Variants in TIMM17A observed in about 807,000 individuals in gnomAD.
TIMM17A encodes translocase of inner mitochondrial membrane 17A.
In TIMM17A, 15 loss-of-function variants were observed where a neutral mutation model predicts 26.5. The observed-to-expected ratio is 0.57, with a 90% CI of 0.38 to 0.87. The LOEUF (loss-of-function observed/expected upper bound fraction) is 0.87. TIMM17A is among the 40% of genes least tolerant of loss of function. The pLI, the probability that TIMM17A is intolerant of heterozygous loss-of-function variation, is 0.00. For missense variants in TIMM17A, 201 were observed against 210.0 expected (o/e 0.96, Z 0.27); for synonymous variants, 80 against 70.8 (o/e 1.13, Z -0.66).
At position 201,957,392 on chromosome 1, in the gene TIMM17A, A is replaced by G. The variant is rs1237382283; in HGVS notation, c.126+12A>G. On this transcript the variant is annotated intron_variant, in intron 2 of 5. Transcript: ENST00000367287. ...GCAATTCTCCAGTGGTAAGTGGGTG[A>G]ATGGTCTTATTTTATCATCACTTGC... is the stretch of plus-strand genomic sequence containing the variant. 1.2e-6 allele frequency: 2 copies of G among 1,606,824 alleles called. No homozygotes were observed. The highest frequency in any genetic ancestry group is 3.3e-5 in the Admixed American group (2 of 59,932).
At chr1:201,963,880 C>T (rs2790899) in intron 4 of TIMM17A, 136 bp downstream of exon 4, 427,563 of 968,556 alleles carry the variant, frequency 0.44, 98,294 homozygotes, top group South Asian at 0.5. Flanking sequence ...AATTCCATCA[C>T]TTGGGAGGCT....
chr1:201,957,797 G>A (rs1242912269), intron 3 of TIMM17A: 1 of 378,924 alleles, frequency 2.6e-6, no homozygotes, highest in Non-Finnish European at 4.4e-6. Flanking sequence ...CAGACACTCG[G>A]TGATTTTTTT....
In TIMM17A at chr1:201,963,463, C is replaced by T. The variant is rs1682570960; in HGVS notation, c.191-153C>T. On this transcript the variant is annotated intron_variant, in intron 3 of 5. Coordinates refer to ENST00000367287, the MANE Select transcript of TIMM17A (RefSeq NM_006335.3). The stretch of plus-strand genomic sequence containing the variant: ...TTTATTCGAAAGATAAGTATTCTAA[C>T]TCTTGTTCGGTGTTTATTCAAACTT... The T allele has an allele frequency of 9.7e-5, 70 of 721,206 alleles. 1 individual carries two copies. The South Asian group carries it at 1.4e-3, about 15-fold the overall frequency. 44.7% of individuals were successfully genotyped at this position (721,206 alleles called of 1,614,324 possible).
chr1:201,966,224 C>A (rs1363767377), intron 5 of TIMM17A, among the ~76,000 whole-genome samples: 1 of 152,092 alleles, frequency 6.6e-6, no homozygotes, highest in Non-Finnish European at 1.5e-5. Context: ...GCTGATTAGC[C>A]AGGCATAATG....
At chr1:201,966,387 A>G (rs183615264) in intron 5 of TIMM17A, among the ~76,000 whole-genome samples, 1 of 152,244 alleles carries the variant, frequency 6.6e-6, no homozygotes, top group East Asian at 1.9e-4. Flanking sequence ...GAAAACTTCT[A>G]TCAAGATGGT....
intron 3 of TIMM17A, among the ~76,000 whole-genome samples, chr1:201,961,070 T>TC (rs1682518946): frequency 1.3e-5 from 2 of 150,084 alleles, no homozygotes; most frequent in Admixed American, 6.6e-5. Flanking sequence ...TATTTTCTTT[T>TC]TTTTTTTTTT....
At chr1:201,963,953 C>CA (rs200184433) in intron 4 of TIMM17A, among the ~76,000 whole-genome samples, 9,934 of 146,074 alleles carry the variant, frequency 0.068, 435 homozygotes, top group Admixed American at 0.13. Flanking sequence ...CTGGTCTCTA[C>CA]AAAAAAAAAA....
At chr1:201,964,593 G>A (rs1330829597) in intron 4 of TIMM17A, among the ~76,000 whole-genome samples, 2 of 136,986 alleles carry the variant, frequency 1.5e-5, no homozygotes, top group Non-Finnish European at 3.1e-5. Context: ...GTATGGCTGT[G>A]TTTCAGTAAA....
intron 5 of TIMM17A, 123 bp downstream of exon 5, chr1:201,965,666 C>A: frequency 2.9e-6 from 2 of 701,036 alleles, no homozygotes; most frequent in Admixed American, 2.8e-5. Context: ...TTCATGAGGA[C>A]TGTGATAATA....
At chr1:201,969,367 C>T (rs1311680375) in intron 5 of TIMM17A, 102 bp from the exon 6 acceptor site, 4 of 920,168 alleles carry the variant, frequency 4.3e-6, no homozygotes, top group South Asian at 1.6e-5. Flanking sequence ...TAATTTAGCA[C>T]ATTTTTTTGT....
Position 201,957,946 on chromosome 1 carries a change from T to C in TIMM17A, c.190+372T>C, listed in dbSNP as rs1340674224. ...TGAGGTCAGGAGTTTGAGACCAGCC[T>C]GACCAACATGGAGAAACCCCATCTC... is the stretch of plus-strand genomic sequence containing the variant. On this transcript the variant is annotated intron_variant, in intron 3 of 5. Transcript: ENST00000367287. The C allele has an allele frequency of 1.5e-4, 25 of 172,392 alleles. 1 individual carries two copies. Among genetic ancestry groups the C allele is most frequent in the Non-Finnish European group, 3.7e-5 (3 of 81,088 alleles). The allele number at this position is 172,392 out of a possible 1,614,324, so 10.7% of individuals were successfully genotyped here. A position where few individuals can be genotyped will look rare whatever the true frequency, so the allele number is the denominator to read the frequency against.
intron 5 of TIMM17A, 21 bp downstream of exon 5, chr1:201,965,564 CTA>C (rs773693709): frequency 5.3e-5 from 76 of 1,435,904 alleles, no homozygotes; most frequent in Non-Finnish European, 7.3e-5. Flanking sequence ...TTGCTTAAAA[CTA>C]TAGCTCAAAC....
Position 201,957,360 on chromosome 1 carries a change from G to A in TIMM17A, c.106G>A (p.Gly36Ser). The A allele has an allele frequency of 6.2e-7, 1 of 1,613,830 alleles. No individual in the cohort carries two copies. Among genetic ancestry groups the A allele is most frequent in the South Asian group, 1.1e-5 (1 of 91,054 alleles). Residue 36 changes from glycine (G) to serine (S), a missense_variant, in exon 2 of 6, where the codon GGT becomes AGT. Coordinates refer to ENST00000367287, the MANE Select transcript of TIMM17A (RefSeq NM_006335.3). ...TGGTGGTATCTTTCAAGCAATCAAA[G>A]GTTTTCGCAATTCTCCAGTGGTAAG... is the stretch of plus-strand genomic sequence containing the variant. Reference protein sequence around the residue: ...IGGGIFQAIKGFRNSPVGVNH... With the variant: ...IGGGIFQAIKSFRNSPVGVNH...
intron 3 of TIMM17A, chr1:201,958,111 T>A (rs1245446796): frequency 6.5e-6 from 1 of 153,208 alleles, no homozygotes; most frequent in Non-Finnish European, 1.4e-5. Context: ...CACTCCATCC[T>A]GGGCAACAAG....
intron 3 of TIMM17A, chr1:201,958,137 C>CAA (rs796950075): frequency 6.3e-5 from 9 of 142,576 alleles, no homozygotes; most frequent in Non-Finnish European, 1.1e-4. Flanking sequence ...AACTCCGTCT[C>CAA]AAAAAAAAAA....
chr1:201,968,287 G>C (rs1032101118), intron 5 of TIMM17A, among the ~76,000 whole-genome samples: 2 of 151,474 alleles, frequency 1.3e-5, no homozygotes, highest in African/African-American at 4.9e-5. Flanking sequence ...GAGCCATCGC[G>C]CCCAGCAAAA....
At chr1:201,963,778 C>T in intron 4 of TIMM17A, 34 bp downstream of exon 4, 1 of 1,561,206 alleles carries the variant, frequency 6.4e-7, no homozygotes, top group South Asian at 1.2e-5. Context: ...TAGTAGAAGC[C>T]ACACTTTTAG....
At chr1:201,955,616 G>T in intron 1 of TIMM17A, 64 bp downstream of exon 1, 1 of 1,610,374 alleles carries the variant, frequency 6.2e-7, no homozygotes, top group Non-Finnish European at 8.5e-7. Context: ...CTTCTCCCTT[G>T]TCCAGGCTCC....
chr1:201,968,594 G>A (rs1308820963), intron 5 of TIMM17A, among the ~76,000 whole-genome samples: 1 of 151,666 alleles, frequency 6.6e-6, no homozygotes, highest in Admixed American at 6.6e-5. Context: ...GTTTCGCCAT[G>A]TTGTCCTGAC....
Sources: gnomAD v4.1 joint callset for allele counts (sites outside exome capture counted in the v4.1 genomes callset) on GRCh38, gnomAD v4.1.1 for gene constraint, MANE v1.5 for transcripts, NCBI Gene and HGNC (gene_info 2026-07-23, HGNC 2026-07-21) for gene names.